The following CFAP97 variants were observed in gnomAD, a reference collection of about 807,000 sequenced individuals.
CFAP97 encodes the protein cilia- and flagella-associated protein 97.
CFAP97 carries 36 observed loss-of-function variants against 43.1 expected under a neutral mutation model. The ratio of observed to expected loss-of-function variants is 0.84; its 90% CI spans 0.64 to 1.10. CFAP97 has a LOEUF of 1.10. CFAP97 is among the 50% of genes least tolerant of loss of function. CFAP97 has a pLI of 0.00. For synonymous variants in CFAP97, 228 were observed against 225.7 expected (o/e 1.01, Z -0.09); for missense variants, 657 against 620.3 (o/e 1.06, Z -0.63).
intron 1 of CFAP97, among the ~76,000 whole-genome samples, chr4:185,193,595 G>A (rs548921316): frequency 3.9e-5 from 6 of 152,298 alleles, no homozygotes; most frequent in South Asian, 4.1e-4. Context: ...GCAGTGCGCC[G>A]CGATCACGCC....
In CFAP97 at chr4:185,190,315, A is replaced by G. The variant is rs1415178993; in HGVS notation, c.882T>C (p.Asp294=). 20 of 1,604,834 alleles carry G rather than the reference A, an allele frequency of 1.2e-5. No individual in the cohort carries two copies. Among genetic ancestry groups the G allele is most frequent in the Non-Finnish European group, 1.7e-5 (20 of 1,174,690 alleles). The change falls in exon 2 of 5, where the codon GAT becomes GAC. Residue 294 remains aspartate (D), a synonymous_variant. Coordinates refer to ENST00000458385, the MANE Select transcript of CFAP97 (RefSeq NM_020827.3). Reference sequence around the variant, plus strand: ...TTGAATTATTTTTCAAATCCTCAACATCTTCATATATTTCTTGGCTCACAT... The same window carrying G: ...TTGAATTATTTTTCAAATCCTCAACGTCTTCATATATTTCTTGGCTCACAT... ...QENVSQEIYE[D]VEDLKNNSKY... is the part of the protein sequence containing the mutation.
intron 2 of CFAP97, among the ~76,000 whole-genome samples, chr4:185,177,908 C>T (rs1213920603): frequency 6.6e-6 from 1 of 151,884 alleles, no homozygotes; most frequent in African/African-American, 2.4e-5. Flanking sequence ...ATCACTTGGG[C>T]AAGGTCACAA....
chr4:185,171,772 A>AC (rs1344383168), intron 3 of CFAP97, among the ~76,000 whole-genome samples: 1 of 152,144 alleles, frequency 6.6e-6, no homozygotes, highest in Non-Finnish European at 1.5e-5. Context: ...TGAACTGATC[A>AC]CTTGAACCCA....
chr4:185,171,679 G>T (rs956380701), intron 3 of CFAP97, among the ~76,000 whole-genome samples: 1 of 152,148 alleles, frequency 6.6e-6, no homozygotes, highest in Non-Finnish European at 1.5e-5. Flanking sequence ...TCGGAAAAAA[G>T]TTCAAGTGAA....
At chr4:185,179,031 A>G (rs540016676) in intron 2 of CFAP97, among the ~76,000 whole-genome samples, 1 of 152,288 alleles carries the variant, frequency 6.6e-6, no homozygotes, top group Middle Eastern at 3.4e-3. Flanking sequence ...CCAGTTTTCA[A>G]GCAAAATTTA....
At chr4:185,196,339 T>C (rs1337435966) in intron 1 of CFAP97, among the ~76,000 whole-genome samples, 3 of 152,030 alleles carry the variant, frequency 2.0e-5, no homozygotes, top group African/African-American at 4.8e-5. Flanking sequence ...CTGGGTGTGG[T>C]GGCACGTGCC....
At chr4:185,207,431 T>C (rs2111450600), upstream of CFAP97, among the ~76,000 whole-genome samples, 1 of 152,180 alleles carries the variant, frequency 6.6e-6, no homozygotes, top group Non-Finnish European at 1.5e-5. Flanking sequence ...TTGACCAGGC[T>C]GGTCTCAAAC....
Position 185,190,251 on chromosome 4 carries a change from C to T in CFAP97, c.946G>A (p.Glu316Lys). The T allele has an allele frequency of 1.2e-6, 2 of 1,613,506 alleles. No homozygotes were observed. Among genetic ancestry groups the T allele is most frequent in the South Asian group, 1.1e-5 (1 of 90,994 alleles). Residue 316 changes from glutamate (E) to lysine (K), a missense_variant, in exon 2 of 5, where the codon GAG becomes AAG. Physicochemically the swap from Glu to Lys is moderately conservative, Grantham distance 56. Transcript: ENST00000458385. ...KAAKKGKEKH[E>K]PDVSSKSSSV... ...GACGACTTTGAGGAGACATCAGGCT[C>T]ATGTTTTTCTTTCCCTTTTTTGGCT...
intron 2 of CFAP97, among the ~76,000 whole-genome samples, chr4:185,187,128 A>AC: frequency 6.6e-6 from 1 of 152,242 alleles, no homozygotes; most frequent in Non-Finnish European, 1.5e-5. Flanking sequence ...CCCAGGGGAG[A>AC]ATATTAATCA....
chr4:185,190,875 T>G lies in CFAP97; in HGVS notation c.322A>C (p.Thr108Pro), dbSNP rs776499709. 2 of 1,612,786 alleles carry G rather than the reference T, an allele frequency of 1.2e-6. No individual in the cohort carries two copies. The highest frequency in any genetic ancestry group is 1.7e-6 in the Non-Finnish European group (2 of 1,179,284). Residue 108 changes from threonine to proline, a missense_variant, in exon 2 of 5, where the codon ACA becomes CCA. Transcript: ENST00000458385. ...ATGGACACGTGTATTTTAAGTCCTG[T>G]TGTAACATCACACAATTTTTTTGAT... ...SRSKKLCDVT[T>P]GLKIHVSIPN...
At chr4:185,163,245 T>C (rs1335624718) in intron 4 of CFAP97, among the ~76,000 whole-genome samples, 3 of 152,166 alleles carry the variant, frequency 2.0e-5, no homozygotes, top group Non-Finnish European at 4.4e-5. Context: ...TTAGGGACAA[T>C]GCTAAGTATG....
intron 1 of CFAP97, among the ~76,000 whole-genome samples, chr4:185,200,976 C>T (rs537969235): frequency 6.6e-6 from 1 of 152,226 alleles, no homozygotes; most frequent in African/African-American, 2.4e-5. Flanking sequence ...ATTCTGTATA[C>T]TTAGCTAATA....
At chr4:185,189,350 AC>A (rs778465222) in intron 2 of CFAP97, among the ~76,000 whole-genome samples, 1 of 152,218 alleles carries the variant, frequency 6.6e-6, no homozygotes, top group Non-Finnish European at 1.5e-5. Flanking sequence ...TTACATTGCT[AC>A]CATATGCAAT....
Position 185,164,049 on chromosome 4 carries a change from A to C in CFAP97, c.1451T>G (p.Leu484Arg). 6.2e-7 allele frequency: 1 copy of C among 1,613,968 alleles called. No individual in the cohort carries two copies. The highest frequency in any genetic ancestry group is 1.6e-4 in the Middle Eastern group (1 of 6,062). ...CTTACTTAATGGGCTATATTGGCCA[A>C]GAGTGGATCTGGCCCGTCTTGACAA... ...SPLSRRARST[L>R]GQYSPLRASR... Residue 484 changes from leucine (L) to arginine (R), a missense_variant, in exon 4 of 5, where the codon CTT becomes CGT. Transcript: ENST00000458385.
intron 1 of CFAP97, among the ~76,000 whole-genome samples, chr4:185,202,554 C>A (rs369974631): frequency 0.1 from 14,983 of 144,588 alleles, 991 homozygotes; most frequent in Non-Finnish European, 0.12. Context: ...TCTCAAAAAA[C>A]AAACAAACAA....
intron 2 of CFAP97, among the ~76,000 whole-genome samples, chr4:185,188,713 T>C (rs1736107479): frequency 6.6e-6 from 1 of 151,936 alleles, no homozygotes; most frequent in African/African-American, 2.4e-5. Context: ...ACTTTTTTTT[T>C]ACTTTGCAAA....
intron 3 of CFAP97, chr4:185,170,195 A>G: frequency 1.7e-6 from 1 of 574,180 alleles, no homozygotes. Flanking sequence ...AAAATACAAA[A>G]ATTAGCTGGG....
chr4:185,202,752 G>A (rs1270492641), intron 1 of CFAP97, among the ~76,000 whole-genome samples: 26 of 152,108 alleles, frequency 1.7e-4, no homozygotes, highest in Admixed American at 1.6e-3. Flanking sequence ...TGCATAGTCC[G>A]GTGCCTGTGA....
At chr4:185,206,328 C>T (rs978804377), upstream of CFAP97, among the ~76,000 whole-genome samples, 3 of 152,120 alleles carry the variant, frequency 2.0e-5, no homozygotes, top group African/African-American at 4.8e-5. Context: ...ATGACTTGTG[C>T]GCCTCTGGTC....
Sources: allele counts gnomAD v4.1 joint callset (sites outside exome capture counted in the v4.1 genomes callset), GRCh38; gene constraint gnomAD v4.1.1; transcripts MANE v1.5; gene names NCBI Gene and HGNC (gene_info 2026-07-23, HGNC 2026-07-21).